The following TRPV1 variants were observed in gnomAD, a reference collection of about 807,000 sequenced individuals.
TRPV1 encodes OTRPC1.
In TRPV1, 82 loss-of-function variants were observed where a neutral mutation model predicts 82.3. The observed-to-expected ratio is 1.00, with a 90% CI of 0.83 to 1.20. The LOEUF is 1.20. TRPV1 is among the 50% of genes most tolerant of loss of function. TRPV1 has a pLI of 0.00. For synonymous variants in TRPV1, 515 were observed against 467.7 expected, an observed-to-expected ratio of 1.10 and a Z score of -1.30; for missense variants, 1,067 against 1,096.8, an observed-to-expected ratio of 0.97 and a Z score of 0.38.
chr17:3,579,707 C>T (rs1218832106), intron 11 of TRPV1, among the ~76,000 whole-genome samples: 1 of 152,110 alleles, frequency 6.6e-6, no homozygotes, highest in Non-Finnish European at 1.5e-5. Flanking sequence ...AACTCATGAC[C>T]TCAAGTGATC....
intron 3 of TRPV1, 104 bp downstream of exon 3, chr17:3,591,963 C>A: frequency 6.9e-7 from 1 of 1,459,150 alleles, no homozygotes; most frequent in Non-Finnish European, 9.1e-7. Flanking sequence ...GGCTCTCCAG[C>A]CCCCTGGCTT....
chr17:3,572,347 G>T lies in TRPV1; in HGVS notation c.2104-98C>A. ...ATCCAGCTCCCCAGGGGCTCTCCCA[G>T]GCCTAGATGCCTCCAGGGTGGTTGT... On this transcript the variant is annotated intron_variant, in intron 14 of 16. Transcript: ENST00000572705. 3 of 1,437,538 alleles carry T rather than the reference G, an allele frequency of 2.1e-6. No individual in the cohort carries two copies. In the Admixed American group the frequency reaches 6.2e-5, roughly 30 times the overall value. 89.0% of individuals were successfully genotyped at this position (1,437,538 alleles called of 1,614,324 possible).
intron 13 of TRPV1, among the ~76,000 whole-genome samples, chr17:3,574,518 C>T (rs161364): frequency 0.23 from 34,813 of 152,206 alleles, 4,937 homozygotes; most frequent in South Asian, 0.37. Flanking sequence ...TATTAGGTCT[C>T]TCTTAGTCAC....
intron 5 of TRPV1, 83 bp downstream of exon 5, chr17:3,590,881 G>A (rs774038595): frequency 1.1e-5 from 16 of 1,465,826 alleles, no homozygotes; most frequent in Non-Finnish European, 1.4e-5. Context: ...TCCCAGAGAA[G>A]CAAGGAGGCC....
Position 3,585,936 on chromosome 17 carries a change from G to C in TRPV1, c.1225-10C>G, listed in dbSNP as rs1046858691. ...GCATGTCGTGGCGATTCTAGGGGGT[G>C]GGGAGAGAAGTGAGGTTCCCTCCTG... On this transcript the variant is annotated splice_polypyrimidine_tract_variant and intron_variant, in intron 8 of 16. Coordinates refer to ENST00000572705, the MANE Select transcript of TRPV1 (RefSeq NM_080704.4). The C allele has an allele frequency of 1.2e-6, 2 of 1,613,360 alleles. No homozygotes were observed. Among genetic ancestry groups the C allele is most frequent in the Non-Finnish European group, 1.7e-6 (2 of 1,179,708 alleles).
intron 14 of TRPV1, 41 bp from the exon 15 acceptor site, chr17:3,572,290 G>A: frequency 2.5e-6 from 4 of 1,574,988 alleles, no homozygotes; most frequent in Non-Finnish European, 3.5e-6. Flanking sequence ...GAGGGGCAGA[G>A]GGTGCATCCC....
At chr17:3,568,119 G>C (rs567267076) in intron 16 of TRPV1, among the ~76,000 whole-genome samples, 1 of 152,140 alleles carries the variant, frequency 6.6e-6, no homozygotes, top group Admixed American at 6.5e-5. Flanking sequence ...TCAGGAGATC[G>C]AGACCATCCT....
chr17:3,572,092 G>C (rs958417177), intron 15 of TRPV1, 30 bp downstream of exon 15: 2 of 1,606,826 alleles, frequency 1.2e-6, no homozygotes, highest in Admixed American at 3.3e-5. Flanking sequence ...AAGCTCCCAA[G>C]CCCTGATTCA....
At chr17:3,579,252 A>G (rs1012225023) in intron 11 of TRPV1, among the ~76,000 whole-genome samples, 15 of 151,154 alleles carry the variant, frequency 9.9e-5, no homozygotes, top group African/African-American at 2.9e-4. Context: ...TACTTGTCCA[A>G]AAAAAAAAAT....
At chr17:3,608,246 G>A (rs1250195564) in intron 2 of TRPV1, 181 bp downstream of exon 2, 5 of 148,236 alleles carry the variant, frequency 3.4e-5, no homozygotes, top group South Asian at 2.1e-4. Context: ...AAACTAGCAC[G>A]AATTTCTTTT....
At chr17:3,586,241 C>T (rs1041348807) in intron 8 of TRPV1, among the ~76,000 whole-genome samples, 9 of 152,130 alleles carry the variant, frequency 5.9e-5, no homozygotes, top group African/African-American at 2.2e-4. Context: ...AACTCCCTCC[C>T]GAGAGCCCAC....
intron 2 of TRPV1, among the ~76,000 whole-genome samples, chr17:3,597,905 C>T (rs965132887): frequency 1.3e-5 from 2 of 152,098 alleles, no homozygotes; most frequent in African/African-American, 4.8e-5. Context: ...AACTCCTGAC[C>T]TCGTCATCCA....
At chr17:3,595,714 G>A (rs1292912776) in intron 2 of TRPV1, 1 of 152,280 alleles carries the variant, frequency 6.6e-6, no homozygotes, top group East Asian at 1.9e-4. Context: ...TTTGTCAGCG[G>A]CGTTGCCTTT....
intron 2 of TRPV1, among the ~76,000 whole-genome samples, chr17:3,602,902 G>A (rs896484009): frequency 6.6e-6 from 1 of 152,004 alleles, no homozygotes. Context: ...CGGGTGGATC[G>A]CCTGAGGTCG....
intron 8 of TRPV1, among the ~76,000 whole-genome samples, chr17:3,586,966 G>A (rs2075092942): frequency 6.6e-6 from 1 of 152,080 alleles, no homozygotes; most frequent in Admixed American, 6.6e-5. Context: ...GCCTCAAGAG[G>A]CCTATGGAGA....
At position 3,592,217 on chromosome 17, in the gene TRPV1, C is replaced by A. The variant is rs759486575; in HGVS notation, c.134G>T (p.Ser45Ile). The A allele has an allele frequency of 6.2e-7, 1 of 1,612,774 alleles. No individual in the cohort carries two copies. Among genetic ancestry groups the A allele is most frequent in the African/African-American group, 1.3e-5 (1 of 75,028 alleles). ...PAKPQLSTAK[S>I]RTRLFGKGDS... ...ACCCTTCCCAAAGAGCCGGGTGCGGCTCTTGGCCGTGGAGAGCTGGGGCTT... is the reference window on the plus strand; with the variant it reads ...ACCCTTCCCAAAGAGCCGGGTGCGGATCTTGGCCGTGGAGAGCTGGGGCTT... The change falls in exon 3 of 17, where the codon AGC (serine) becomes ATC (isoleucine). Residue 45 changes from serine (S) to isoleucine (I), a missense_variant. By Grantham distance (142) the Ser-to-Ile change is moderately radical. Transcript: ENST00000572705.
chr17:3,578,201 A>G (rs1045252084), intron 11 of TRPV1: 4 of 156,742 alleles, frequency 2.6e-5, no homozygotes, highest in Admixed American at 1.2e-4. Flanking sequence ...CCAGCTACTC[A>G]GGAGGCTGAG....
At position 3,565,969 on chromosome 17, in the gene TRPV1, C is replaced by G. The variant is rs201056136; in HGVS notation, c.*846G>C. 40 of 151,792 alleles carry G rather than the reference C, an allele frequency of 2.6e-4. No homozygotes were observed. The highest frequency in any genetic ancestry group is 7.5e-4 in the African/African-American group (31 of 41,370). The allele number at this position is 151,792 out of a possible 1,614,324, so 9.4% of individuals were successfully genotyped here. On this transcript the variant is annotated 3_prime_UTR_variant, in exon 17 of 17. Coordinates refer to ENST00000572705, the MANE Select transcript of TRPV1 (RefSeq NM_080704.4). The stretch of plus-strand genomic sequence containing the variant: ...GGCAGATCACCTGAGGTCAAGAGTT[C>G]GAGACCAGCCTGGCCAACATGGTGA...
chr17:3,568,203 TC>T (rs1296686560), intron 16 of TRPV1, among the ~76,000 whole-genome samples: 1 of 150,960 alleles, frequency 6.6e-6, no homozygotes, highest in African/African-American at 2.4e-5. Flanking sequence ...GCGCCTGTAG[TC>T]CCAGCTACTC....
Sources: gnomAD v4.1 joint callset for allele counts (sites outside exome capture counted in the v4.1 genomes callset) on GRCh38, gnomAD v4.1.1 for gene constraint, MANE v1.5 for transcripts, NCBI Gene and HGNC (gene_info 2026-07-23, HGNC 2026-07-21) for gene names.